The following EBF1 variants were observed in gnomAD, a reference collection of about 807,000 sequenced individuals.
EBF1 encodes the protein transcription factor COE1.
A neutral mutation model predicts 68.4 loss-of-function variants in EBF1; 10 were observed. That is an observed-to-expected ratio of 0.15 (90% CI 0.09 to 0.25). The LOEUF is 0.25. Among genes scored for constraint, EBF1 ranks in the 10% least tolerant of loss-of-function variants. The pLI is 1.00. For missense variants in EBF1, 509 were observed against 794.4 expected, an observed-to-expected ratio of 0.64 and a Z score of 4.32; for synonymous variants, 298 against 299.8, an observed-to-expected ratio of 0.99 and a Z score of 0.06.
In EBF1 at chr5:158,871,466, T is replaced by C. The variant is rs757048060; in HGVS notation, c.555-31356A>G. ...GAATATTTACCTAATAATAATAATA[T>C]GTAGAACAATCAAAATAGGGAGGAA... On this transcript the variant is annotated intron_variant, in intron 6 of 15. Transcript: ENST00000313708. Among the ~76,000 whole-genome samples, 61 of 152,326 alleles carry C rather than the reference T, an allele frequency of 4.0e-4. 1 individual carries two copies. The highest frequency in any genetic ancestry group is 7.2e-4 in the Admixed American group (11 of 15,308).
intron 6 of EBF1, among the ~76,000 whole-genome samples, chr5:158,854,505 G>T (rs1793586084): frequency 6.6e-6 from 1 of 152,218 alleles, no homozygotes. Flanking sequence ...ATATTTACCA[G>T]CATGAGGCTG....
At chr5:159,071,963 C>T (rs1166771038) in intron 6 of EBF1, among the ~76,000 whole-genome samples, 1 of 152,046 alleles carries the variant, frequency 6.6e-6, no homozygotes, top group Non-Finnish European at 1.5e-5. Context: ...TAAAACAAAC[C>T]AGCATAAAGG....
chr5:158,794,462 C>T lies in EBF1; in HGVS notation c.909+1883G>A, dbSNP rs538909860. Among the ~76,000 whole-genome samples, 11 of 152,214 alleles carry T rather than the reference C, an allele frequency of 7.2e-5. No homozygotes were observed. In the South Asian group the frequency reaches 2.1e-3, roughly 29 times the overall value. On this transcript the variant is annotated intron_variant, in intron 9 of 15. Transcript: ENST00000313708. The stretch of plus-strand genomic sequence containing the variant: ...AAAAAATGGAGGGACCTTGATTAAG[C>T]GTAAGGCAGAGGTGCAAATGCATGA...
intron 8 of EBF1, among the ~76,000 whole-genome samples, chr5:158,801,053 G>A (rs960289349): frequency 1.1e-4 from 17 of 152,162 alleles, no homozygotes; most frequent in African/African-American, 3.9e-4. Flanking sequence ...AGGGTTAGGG[G>A]GTGGGGTTTG....
chr5:158,964,253 A>G (rs1333648204), intron 6 of EBF1, among the ~76,000 whole-genome samples: 1 of 152,178 alleles, frequency 6.6e-6, no homozygotes, highest in Non-Finnish European at 1.5e-5. Context: ...AAATGAAGCC[A>G]GGAAGGACAC....
chr5:158,710,260 A>C (rs1451462493), intron 14 of EBF1, among the ~76,000 whole-genome samples: 3 of 152,220 alleles, frequency 2.0e-5, no homozygotes, highest in Admixed American at 1.3e-4. Flanking sequence ...ATGGAAATTA[A>C]ATGTTCAAAG....
intron 2 of EBF1, 188 bp from the exon 3 acceptor site, chr5:159,096,594 C>T: frequency 1.5e-6 from 1 of 660,238 alleles, no homozygotes; most frequent in South Asian, 1.8e-5. Flanking sequence ...ACTGCTCCCT[C>T]TCTCCCAAAA....
chr5:158,920,080 T>C (rs1443204714), intron 6 of EBF1, among the ~76,000 whole-genome samples: 2 of 152,162 alleles, frequency 1.3e-5, no homozygotes, highest in East Asian at 1.9e-4. Context: ...ACTTGCAACA[T>C]ATATATATGA....
chr5:158,707,862 G>A (rs1342418386), intron 15 of EBF1, 117 bp downstream of exon 15: 4 of 1,240,560 alleles, frequency 3.2e-6, no homozygotes, highest in Non-Finnish European at 4.5e-6. Flanking sequence ...AGGGCAGAGA[G>A]AATCAGGCAG....
At chr5:158,759,969 A>C (rs1266106773) in intron 10 of EBF1, among the ~76,000 whole-genome samples, 3 of 152,158 alleles carry the variant, frequency 2.0e-5, no homozygotes, top group African/African-American at 7.2e-5. Context: ...TGTTTCCTCA[A>C]TACTACTTGT....
chr5:158,879,431 A>G (rs1798419328), intron 6 of EBF1, among the ~76,000 whole-genome samples: 1 of 152,228 alleles, frequency 6.6e-6, no homozygotes, highest in African/African-American at 2.4e-5. Flanking sequence ...CTGAAAGATA[A>G]TGAATGTGAG....
intron 6 of EBF1, among the ~76,000 whole-genome samples, chr5:158,917,805 T>C (rs1158964493): frequency 6.6e-6 from 1 of 152,200 alleles, no homozygotes; most frequent in East Asian, 1.9e-4. Flanking sequence ...ACTCCCTCTT[T>C]TTCCTCAAGG....
chr5:158,714,322 G>T (rs763948989), intron 11 of EBF1, 140 bp from the exon 12 acceptor site: 2 of 870,838 alleles, frequency 2.3e-6, no homozygotes, highest in Non-Finnish European at 3.8e-6. Flanking sequence ...ACCCCAGAAG[G>T]GTGTTAAATC....
chr5:158,960,484 G>C (rs763966191), intron 6 of EBF1, among the ~76,000 whole-genome samples: 1 of 152,064 alleles, frequency 6.6e-6, no homozygotes, highest in Non-Finnish European at 1.5e-5. Context: ...AACTGGAAAT[G>C]ATTAATAGAC....
chr5:158,977,795 C>T (rs150662599), intron 6 of EBF1, among the ~76,000 whole-genome samples: 104 of 152,348 alleles, frequency 6.8e-4, no homozygotes, highest in African/African-American at 2.4e-3. Flanking sequence ...AATGCATCCA[C>T]TTTGACTTTT....
intron 6 of EBF1, among the ~76,000 whole-genome samples, chr5:158,912,147 C>T (rs879004619): frequency 3.3e-5 from 5 of 152,220 alleles, no homozygotes; most frequent in African/African-American, 9.6e-5. Flanking sequence ...GTGTGGGCTG[C>T]ACATGTCTTA....
intron 6 of EBF1, among the ~76,000 whole-genome samples, chr5:159,054,202 T>C (rs1584294902): frequency 6.6e-6 from 1 of 152,320 alleles, no homozygotes; most frequent in Non-Finnish European, 1.5e-5. Flanking sequence ...GTCTTAACAC[T>C]TGATCCTGCT....
intron 6 of EBF1, among the ~76,000 whole-genome samples, chr5:159,038,446 C>T (rs1256652204): frequency 6.6e-6 from 1 of 152,184 alleles, no homozygotes; most frequent in Non-Finnish European, 1.5e-5. Context: ...GACATTAAGA[C>T]TCACGGTCAA....
chr5:158,806,770 A>T (rs899488873), intron 8 of EBF1, among the ~76,000 whole-genome samples: 4 of 152,166 alleles, frequency 2.6e-5, no homozygotes, highest in African/African-American at 9.6e-5. Context: ...AGATGCCCCT[A>T]GGTGATGAAG....
Sources: gnomAD v4.1 joint callset for allele counts (sites outside exome capture counted in the v4.1 genomes callset) on GRCh38, gnomAD v4.1.1 for gene constraint, MANE v1.5 for transcripts, NCBI Gene and HGNC (gene_info 2026-07-23, HGNC 2026-07-21) for gene names.